TRAPPC9: variants seen among roughly 807,000 people sequenced by gnomAD.
The protein encoded by TRAPPC9 is IKK2 binding protein.
A neutral mutation model predicts 124.0 loss-of-function variants in TRAPPC9; 83 were observed. That is an observed-to-expected ratio of 0.67 (90% confidence interval 0.56 to 0.80). TRAPPC9 has a LOEUF of 0.80. Ranked by LOEUF, TRAPPC9 falls within the 30% of genes least tolerant of loss-of-function variation. TRAPPC9 has a pLI of 0.00. For synonymous variants in TRAPPC9, 638 were observed against 617.5 expected, an observed-to-expected ratio of 1.03 and a Z score of -0.49; for missense variants, 1,302 against 1,508.3, an observed-to-expected ratio of 0.86 and a Z score of 2.27.
At chr8:140,190,490 A>G (rs935823084) in intron 17 of TRAPPC9, among the ~76,000 whole-genome samples, 3 of 152,114 alleles carry the variant, frequency 2.0e-5, no homozygotes, top group Non-Finnish European at 2.9e-5. Context: ...CAAAACAATG[A>G]CTAATCCCTA....
Position 139,984,081 on chromosome 8 carries a change from G to A in TRAPPC9, c.2810+4645C>T, listed in dbSNP as rs1437950226. On this transcript the variant is annotated intron_variant, in intron 19 of 22. Coordinates refer to ENST00000438773, the MANE Select transcript of TRAPPC9 (RefSeq NM_001160372.4). The surrounding 1 kb of genome is among the most constrained non-coding windows in gnomAD (Gnocchi z 4.3). ...ATAGCTCTTGCACTGGGTGAGATGA[G>A]ATCACCCCTTCCTACTAGGAGGGAG... Among the ~76,000 whole-genome samples, 1 of 152,152 alleles carries A rather than the reference G, an allele frequency of 6.6e-6. No individual in the cohort carries two copies. Among genetic ancestry groups the A allele is most frequent in the Non-Finnish European group, 1.5e-5 (1 of 68,032 alleles).
chr8:139,775,062 C>T (rs1821267807), intron 21 of TRAPPC9, among the ~76,000 whole-genome samples: 1 of 152,184 alleles, frequency 6.6e-6, no homozygotes, highest in East Asian at 1.9e-4. Flanking sequence ...TGTCTAAGGG[C>T]CAGAGTGGGC....
At chr8:140,449,355 G>A (rs1001768248) in intron 2 of TRAPPC9, among the ~76,000 whole-genome samples, 2 of 152,222 alleles carry the variant, frequency 1.3e-5, no homozygotes, top group African/African-American at 4.8e-5. Flanking sequence ...CTGACACAGT[G>A]ACACATCACT....
intron 9 of TRAPPC9, among the ~76,000 whole-genome samples, chr8:140,322,604 G>A (rs1174101430): frequency 6.6e-6 from 1 of 151,884 alleles, no homozygotes; most frequent in Non-Finnish European, 1.5e-5. Context: ...GAGGCAGGAG[G>A]ATTGCTTCAG....
intron 20 of TRAPPC9, among the ~76,000 whole-genome samples, chr8:139,903,984 T>C (rs75434047): frequency 0.043 from 6,579 of 152,278 alleles, 274 homozygotes; most frequent in African/African-American, 0.12. Context: ...CACTCCAGCC[T>C]GGGTGCCAAG....
intron 18 of TRAPPC9, among the ~76,000 whole-genome samples, chr8:140,019,322 G>A (rs7821257): frequency 0.5 from 75,526 of 151,810 alleles, 18,988 homozygotes; most frequent in Middle Eastern, 0.64. Context: ...ATCATAAAAT[G>A]GAAGTTGGGA....
intron 9 of TRAPPC9, among the ~76,000 whole-genome samples, chr8:140,352,412 G>T (rs1271638198): frequency 2.0e-5 from 3 of 152,162 alleles, no homozygotes; most frequent in Non-Finnish European, 2.9e-5. Context: ...CAACCTCAAG[G>T]TCTACCAGCA....
chr8:140,000,475 T>G (rs1838317306), intron 18 of TRAPPC9, among the ~76,000 whole-genome samples: 2 of 152,308 alleles, frequency 1.3e-5, no homozygotes, highest in Middle Eastern at 6.8e-3. Context: ...ATTTTTGCAA[T>G]CTACCTATCT....
rs1465755502 is a variant in TRAPPC9, at chr8:140,182,833, C to T, written c.2556+38626G>A. ...ATTCCCCCTTCTCTGCCCGTCTATGCGTCCCCCAAACTGTGGCTCAACCAC... is the reference window on the plus strand; with the variant it reads ...ATTCCCCCTTCTCTGCCCGTCTATGTGTCCCCCAAACTGTGGCTCAACCAC... On this transcript the variant is annotated intron_variant, in intron 17 of 22. Transcript: ENST00000438773. This position sits in a 1 kb window ranked among gnomAD's most constrained non-coding sequence, Gnocchi z 4.0. Among the ~76,000 whole-genome samples, 1 of 152,124 alleles carries T rather than the reference C, an allele frequency of 6.6e-6. No individual in the cohort carries two copies. Among genetic ancestry groups the T allele is most frequent in the Admixed American group, 6.5e-5 (1 of 15,276 alleles).
At chr8:140,389,557 C>T (rs2068863180) in intron 7 of TRAPPC9, among the ~76,000 whole-genome samples, 2 of 152,008 alleles carry the variant, frequency 1.3e-5, no homozygotes, top group African/African-American at 4.8e-5. Context: ...TTAAAAAGTG[C>T]CTGGTCTATG....
At chr8:140,365,548 C>G (rs2068085200) in intron 8 of TRAPPC9, among the ~76,000 whole-genome samples, 1 of 152,230 alleles carries the variant, frequency 6.6e-6, no homozygotes, top group Non-Finnish European at 1.5e-5. Flanking sequence ...AAGGTCCCTA[C>G]AGGAGACAAC....
intron 21 of TRAPPC9, among the ~76,000 whole-genome samples, chr8:139,860,971 C>T (rs889922301): frequency 6.6e-6 from 1 of 152,244 alleles, no homozygotes; most frequent in African/African-American, 2.4e-5. Flanking sequence ...GCCGGTGGAG[C>T]AGGCGTCTCA....
In TRAPPC9 at chr8:140,277,854, T is replaced by G. The variant is rs367726931; in HGVS notation, c.2115-2033A>C. On this transcript the variant is annotated intron_variant, in intron 14 of 22. Transcript: ENST00000438773. Reference sequence around the variant, plus strand: ...AGAGAGAAACTCCAATGTGGGACTATGGGCAAACTGTGGGAGGTAGGAGTA... The same window carrying G: ...AGAGAGAAACTCCAATGTGGGACTAGGGGCAAACTGTGGGAGGTAGGAGTA... 3.3e-5 allele frequency among the ~76,000 whole-genome samples: 5 copies of G among 152,328 alleles called. No homozygotes were observed. In the South Asian group the frequency reaches 1.0e-3, roughly 32 times the overall value.
chr8:139,923,199 T>A (rs1832614195), intron 19 of TRAPPC9, among the ~76,000 whole-genome samples: 1 of 151,604 alleles, frequency 6.6e-6, no homozygotes, highest in African/African-American at 2.4e-5. Flanking sequence ...TATAATCATC[T>A]CCCCGCTAAG....
chr8:139,921,826 C>A (rs1832520773), intron 19 of TRAPPC9, among the ~76,000 whole-genome samples: 2 of 151,244 alleles, frequency 1.3e-5, no homozygotes, highest in African/African-American at 4.9e-5. Context: ...CCTGCTGCCG[C>A]ATCCGAGAGC....
At chr8:140,425,503 G>A (rs1038950917) in intron 5 of TRAPPC9, among the ~76,000 whole-genome samples, 24 of 152,120 alleles carry the variant, frequency 1.6e-4, no homozygotes, top group African/African-American at 5.3e-4. Flanking sequence ...CTTGAAAAGC[G>A]TCGGAAATCT....
intron 16 of TRAPPC9, among the ~76,000 whole-genome samples, chr8:140,225,569 G>C (rs949463327): frequency 2.0e-5 from 3 of 152,336 alleles, no homozygotes; most frequent in Middle Eastern, 6.8e-3. Context: ...AATGCCTGCT[G>C]TGAAGGGTAC....
At chr8:140,294,751 G>T (rs1178993689) in intron 11 of TRAPPC9, among the ~76,000 whole-genome samples, 1 of 146,644 alleles carries the variant, frequency 6.8e-6, no homozygotes, top group Non-Finnish European at 1.5e-5. Context: ...GGGACTACAG[G>T]TGTGCGCCAC....
At chr8:140,007,904 G>A (rs759822262) in intron 18 of TRAPPC9, among the ~76,000 whole-genome samples, 33 of 152,234 alleles carry the variant, frequency 2.2e-4, no homozygotes, top group South Asian at 8.3e-4. Flanking sequence ...AAGACAGACC[G>A]GTGAGCAGAC....
Sources: allele counts gnomAD v4.1 joint callset (sites outside exome capture counted in the v4.1 genomes callset), GRCh38; gene constraint gnomAD v4.1.1; non-coding constraint Gnocchi (gnomAD v3.1); transcripts MANE v1.5; gene names NCBI Gene and HGNC (gene_info 2026-07-23, HGNC 2026-07-21).